The following GRID2 variants were observed in gnomAD, a reference collection of about 807,000 sequenced individuals.
The protein encoded by GRID2 is glutamate ionotropic receptor delta type subunit 2.
Under a neutral mutation model 114.8 loss-of-function variants are expected in GRID2, and 33 were observed. The observed-to-expected ratio is 0.29, with a 90% CI of 0.22 to 0.38. GRID2 has a LOEUF of 0.38. Among genes scored for constraint, GRID2 ranks in the 10% least tolerant of loss-of-function variants. The pLI is 1.00. For missense variants in GRID2, 1,184 were observed against 1,257.7 expected (o/e 0.94, Z 0.89); for synonymous variants, 505 against 449.9 (o/e 1.12, Z -1.55).
Position 92,700,338 on chromosome 4 carries a change from G to A in GRID2, c.244+110052G>A, listed in dbSNP as rs866044783. On this transcript the variant is annotated intron_variant, in intron 2 of 15. Coordinates refer to ENST00000282020, the MANE Select transcript of GRID2 (RefSeq NM_001510.4). ...TAGGTTGAGAAACATTGGTATCATT[G>A]ATTGCTCACAATTCTCATCTTTAAC... Among the ~76,000 whole-genome samples, 24 of 152,232 alleles carry A rather than the reference G, an allele frequency of 1.6e-4. No individual in the cohort carries two copies. The Middle Eastern group carries it at 0.027, about 173-fold the overall frequency.
intron 4 of GRID2, among the ~76,000 whole-genome samples, chr4:93,206,831 A>G (rs2149469208): frequency 6.6e-6 from 1 of 152,272 alleles, no homozygotes; most frequent in Admixed American, 6.5e-5. Flanking sequence ...TATGTTGCCT[A>G]TCACTTTTGG....
At chr4:93,203,844 T>C (rs1168065566) in intron 4 of GRID2, 2 of 152,148 alleles carry the variant, frequency 1.3e-5, no homozygotes, top group East Asian at 1.9e-4. Context: ...CCTACTAAGC[T>C]GGAATGGACA....
intron 2 of GRID2, among the ~76,000 whole-genome samples, chr4:92,700,070 A>G (rs1357022907): frequency 5.9e-5 from 9 of 152,192 alleles, no homozygotes; most frequent in Non-Finnish European, 1.3e-4. Flanking sequence ...TTTGGTGACT[A>G]TCAGGTCTTT....
intron 2 of GRID2, among the ~76,000 whole-genome samples, chr4:92,903,397 A>G (rs1747723885): frequency 6.6e-6 from 1 of 151,876 alleles, no homozygotes; most frequent in African/African-American, 2.4e-5. Context: ...CTTTTTTCTT[A>G]CTTCTCCTGT....
intron 14 of GRID2, among the ~76,000 whole-genome samples, chr4:93,644,830 G>T (rs1189172868): frequency 1.3e-5 from 2 of 152,006 alleles, no homozygotes; most frequent in Non-Finnish European, 2.9e-5. Flanking sequence ...TCATTGAAGG[G>T]TTTAGTAAAG....
chr4:93,769,496 C>A (rs1322718806), intron 15 of GRID2, 46 bp downstream of exon 15: 1 of 1,600,904 alleles, frequency 6.2e-7, no homozygotes, highest in East Asian at 2.2e-5. Context: ...AACAAGCAGG[C>A]TGTATTTCCA....
intron 1 of GRID2, among the ~76,000 whole-genome samples, chr4:92,542,545 A>G (rs554197157): frequency 6.6e-6 from 1 of 152,022 alleles, no homozygotes; most frequent in Non-Finnish European, 1.5e-5. Context: ...AAAAACAAAC[A>G]TCGTATGTTC....
chr4:92,908,540 C>A (rs1184089368), intron 2 of GRID2, among the ~76,000 whole-genome samples: 1 of 131,988 alleles, frequency 7.6e-6, no homozygotes, highest in Non-Finnish European at 1.5e-5. Flanking sequence ...CCAGTCCGGA[C>A]GACAGAGCAA....
intron 13 of GRID2, among the ~76,000 whole-genome samples, chr4:93,517,943 A>ATACG (rs369005087): frequency 1.8e-4 from 7 of 37,952 alleles, no homozygotes; most frequent in East Asian, 4.2e-4. Context: ...GTATGTATAT[A>ATACG]CATACATGTA....
At chr4:92,723,026 C>G (rs1406938916) in intron 2 of GRID2, among the ~76,000 whole-genome samples, 2 of 151,784 alleles carry the variant, frequency 1.3e-5, no homozygotes, top group Non-Finnish European at 2.9e-5. Flanking sequence ...AGAAATAAGT[C>G]AAACAACTTG....
intron 13 of GRID2, among the ~76,000 whole-genome samples, chr4:93,595,697 C>G (rs1190875759): frequency 6.6e-6 from 1 of 152,168 alleles, no homozygotes; most frequent in African/African-American, 2.4e-5. Flanking sequence ...GTTTGCACAA[C>G]TAACTTTCCA....
At chr4:93,186,101 G>T (rs1476108167) in intron 4 of GRID2, among the ~76,000 whole-genome samples, 2 of 152,260 alleles carry the variant, frequency 1.3e-5, no homozygotes, top group East Asian at 3.9e-4. Flanking sequence ...TGGCTGCATA[G>T]TATTCCATGG....
chr4:92,408,695 C>A (rs1477554470), intron 1 of GRID2, among the ~76,000 whole-genome samples: 1 of 151,390 alleles, frequency 6.6e-6, no homozygotes, highest in African/African-American at 2.4e-5. Context: ...TTTTTCACCT[C>A]CTTGGTTAGA....
intron 1 of GRID2, among the ~76,000 whole-genome samples, chr4:92,516,058 A>G (rs912509718): frequency 6.6e-6 from 1 of 151,940 alleles, no homozygotes; most frequent in African/African-American, 2.4e-5. Context: ...TGTAAAAGAA[A>G]AGTCACACAA....
intron 2 of GRID2, among the ~76,000 whole-genome samples, chr4:92,592,432 C>T (rs1208913014): frequency 1.3e-5 from 2 of 151,876 alleles, no homozygotes; most frequent in Non-Finnish European, 2.9e-5. Flanking sequence ...TTATTAAAGA[C>T]TATAATTTGA....
At chr4:92,519,201 T>G (rs1355678117) in intron 1 of GRID2, among the ~76,000 whole-genome samples, 2 of 151,858 alleles carry the variant, frequency 1.3e-5, no homozygotes, top group African/African-American at 2.4e-5. Flanking sequence ...ATGGCATGAA[T>G]TTTTAAAAAA....
chr4:93,187,188 C>T (rs1740505277), intron 4 of GRID2, among the ~76,000 whole-genome samples: 1 of 152,174 alleles, frequency 6.6e-6, no homozygotes, highest in Non-Finnish European at 1.5e-5. Flanking sequence ...CACATTCAAG[C>T]CACAGTATTC....
At chr4:92,677,754 T>C (rs1733448539) in intron 2 of GRID2, among the ~76,000 whole-genome samples, 1 of 152,152 alleles carries the variant, frequency 6.6e-6, no homozygotes, top group African/African-American at 2.4e-5. Context: ...AGATCACTTC[T>C]ACCCTGTTCC....
intron 8 of GRID2, among the ~76,000 whole-genome samples, chr4:93,302,169 A>G (rs528777945): frequency 6.6e-6 from 1 of 152,238 alleles, no homozygotes; most frequent in Non-Finnish European, 1.5e-5. Context: ...TAACCATCAG[A>G]TTTTTTCAAT....
Sources: allele counts gnomAD v4.1 joint callset (sites outside exome capture counted in the v4.1 genomes callset), GRCh38; gene constraint gnomAD v4.1.1; transcripts MANE v1.5; gene names NCBI Gene and HGNC (gene_info 2026-07-23, HGNC 2026-07-21).